Variants in ZNF704 observed in about 807,000 individuals in gnomAD.
The protein encoded by ZNF704 is zinc finger protein 704, also known as glucocorticoid induced gene 1.
Under a neutral mutation model 44.7 loss-of-function variants are expected in ZNF704, and 10 were observed. That is an observed-to-expected ratio of 0.22 (90% CI 0.14 to 0.38). The LOEUF (loss-of-function observed/expected upper bound fraction) is 0.38. Among genes scored for constraint, ZNF704 ranks in the 10% least tolerant of loss-of-function variants. ZNF704 has a pLI of 1.00. For synonymous variants in ZNF704, 211 were observed against 207.6 expected (o/e 1.02, Z -0.14); for missense variants, 390 against 545.5 (o/e 0.71, Z 2.84).
chr8:80,708,065 C>T (rs1818924186), intron 2 of ZNF704, among the ~76,000 whole-genome samples: 1 of 152,186 alleles, frequency 6.6e-6, no homozygotes, highest in Admixed American at 6.5e-5. Context: ...ATATATGTTT[C>T]TGTCAGTTCA....
intron 2 of ZNF704, among the ~76,000 whole-genome samples, chr8:80,713,706 G>A (rs1415987795): frequency 6.8e-6 from 1 of 147,890 alleles, no homozygotes; most frequent in Non-Finnish European, 1.5e-5. Flanking sequence ...TCATTCAGGG[G>A]AATCCCCTTA....
chr8:80,628,679 T>C lies in ZNF704; in HGVS notation c.*12687A>G, dbSNP rs1229627834. On this transcript the variant is annotated 3_prime_UTR_variant, in exon 9 of 9. Coordinates refer to ENST00000327835, the MANE Select transcript of ZNF704 (RefSeq NM_001033723.3). ...ATATCAGACTAGATTGGCAACACCA[T>C]ATTCATTGTTACAAGCATTACAGAA... 6.6e-6 allele frequency: 1 copy of C among 152,226 alleles called. No homozygotes were observed. The highest frequency in any genetic ancestry group is 1.5e-5 in the Non-Finnish European group (1 of 68,030). The allele number at this position is 152,226 out of a possible 1,614,324, so 9.4% of individuals were successfully genotyped here.
At chr8:80,741,543 T>C (rs929011914) in intron 2 of ZNF704, among the ~76,000 whole-genome samples, 1 of 152,178 alleles carries the variant, frequency 6.6e-6, no homozygotes, top group South Asian at 2.1e-4. Flanking sequence ...GGACATCTCA[T>C]GATGTGAACA....
At chr8:80,656,019 G>A (rs1216301756) in intron 7 of ZNF704, among the ~76,000 whole-genome samples, 1 of 152,188 alleles carries the variant, frequency 6.6e-6, no homozygotes, top group African/African-American at 2.4e-5. Context: ...TCCCCAGTGT[G>A]GTTGTATTTG....
At chr8:80,852,214 A>C (rs1808876934) in intron 1 of ZNF704, among the ~76,000 whole-genome samples, 1 of 152,234 alleles carries the variant, frequency 6.6e-6, no homozygotes, top group Non-Finnish European at 1.5e-5. Context: ...GAAGGGCAGG[A>C]ATGCAATACT....
At chr8:80,872,288 C>A (rs1023862590) in intron 1 of ZNF704, among the ~76,000 whole-genome samples, 7 of 152,210 alleles carry the variant, frequency 4.6e-5, no homozygotes, top group Non-Finnish European at 7.3e-5. Context: ...CAAATAACTA[C>A]TTGCTGAAAA....
intron 1 of ZNF704, among the ~76,000 whole-genome samples, chr8:80,859,139 T>C (rs569011929): frequency 6.6e-6 from 1 of 152,382 alleles, no homozygotes; most frequent in East Asian, 1.9e-4. Context: ...CTATGAGATA[T>C]ATAAATATTT....
At chr8:80,865,657 A>C (rs577459322) in intron 1 of ZNF704, among the ~76,000 whole-genome samples, 1 of 152,296 alleles carries the variant, frequency 6.6e-6, no homozygotes, top group African/African-American at 2.4e-5. Flanking sequence ...AATCGAGGAG[A>C]TATGACTTTC....
chr8:80,861,366 C>T (rs533082657), intron 1 of ZNF704, among the ~76,000 whole-genome samples: 9 of 152,198 alleles, frequency 5.9e-5, no homozygotes, highest in African/African-American at 2.2e-4. Flanking sequence ...CTCTCCTTTC[C>T]TCCACTTCTT....
At chr8:80,755,873 C>T (rs567150858) in intron 2 of ZNF704, among the ~76,000 whole-genome samples, 7 of 151,924 alleles carry the variant, frequency 4.6e-5, no homozygotes, top group Admixed American at 1.3e-4. Flanking sequence ...TGGGAGGCCA[C>T]GGAGGGAGGA....
intron 2 of ZNF704, among the ~76,000 whole-genome samples, chr8:80,820,018 G>A (rs771428433): frequency 6.6e-6 from 1 of 152,184 alleles, no homozygotes; most frequent in Non-Finnish European, 1.5e-5. Flanking sequence ...TTGGACAAAT[G>A]CAGGACTTCT....
At chr8:80,682,629 G>A (rs1051666724) in intron 4 of ZNF704, among the ~76,000 whole-genome samples, 18 of 137,212 alleles carry the variant, frequency 1.3e-4, no homozygotes, top group East Asian at 2.2e-4. Flanking sequence ...GCATTGGCAC[G>A]GTCAGTGTGG....
At chr8:80,767,322 A>C (rs1807244517) in intron 2 of ZNF704, among the ~76,000 whole-genome samples, 1 of 151,838 alleles carries the variant, frequency 6.6e-6, no homozygotes, top group African/African-American at 2.4e-5. Context: ...TTCATTCTCA[A>C]TTCTAAGGAC....
At chr8:80,809,495 T>A (rs1163676914) in intron 2 of ZNF704, among the ~76,000 whole-genome samples, 1 of 152,178 alleles carries the variant, frequency 6.6e-6, no homozygotes, top group African/African-American at 2.4e-5. Flanking sequence ...GTGAGCTTCC[T>A]TGAAGAAGTG....
At chr8:80,790,245 ACCT>A (rs1241396741) in intron 2 of ZNF704, among the ~76,000 whole-genome samples, 1 of 152,162 alleles carries the variant, frequency 6.6e-6, no homozygotes, top group Non-Finnish European at 1.5e-5. Flanking sequence ...TTTTAAGAAC[ACCT>A]CAGGGGATTT....
At chr8:80,883,704 G>C in the ZNF704 span, among the ~76,000 whole-genome samples, 25 of 152,214 alleles carry the variant, frequency 1.6e-4, no homozygotes, top group African/African-American at 5.5e-4. Flanking sequence ...GCTGCAAATC[G>C]AAACTACCAT....
intron 2 of ZNF704, among the ~76,000 whole-genome samples, chr8:80,702,323 T>C (rs1818822891): frequency 6.6e-6 from 1 of 152,180 alleles, no homozygotes; most frequent in African/African-American, 2.4e-5. Flanking sequence ...AGGTTTGGAA[T>C]TGCTGTTATG....
At chr8:80,817,889 T>A (rs1321258132) in intron 2 of ZNF704, among the ~76,000 whole-genome samples, 1 of 152,226 alleles carries the variant, frequency 6.6e-6, no homozygotes, top group Non-Finnish European at 1.5e-5. Context: ...CAGGAACTGT[T>A]ATTTAAAATT....
intron 4 of ZNF704, among the ~76,000 whole-genome samples, chr8:80,677,311 AAT>A (rs1554571933): frequency 6.6e-6 from 1 of 152,222 alleles, no homozygotes; most frequent in Non-Finnish European, 1.5e-5. Context: ...TCCTTGCAAT[AAT>A]ATGTCAAGCA....
Sources: gnomAD v4.1 joint callset for allele counts (sites outside exome capture counted in the v4.1 genomes callset) on GRCh38, gnomAD v4.1.1 for gene constraint, MANE v1.5 for transcripts, NCBI Gene and HGNC (gene_info 2026-07-23, HGNC 2026-07-21) for gene names.